Variants in UQCC6 observed in about 807,000 individuals in gnomAD.
The protein encoded by UQCC6 is ubiquinol-cytochrome c reductase complex assembly factor 6.
At chr12:103,956,643 G>A in the UQCC6 span, 3 of 1,550,102 alleles carry the variant, frequency 1.9e-6, no homozygotes, top group South Asian at 3.6e-5. Context: ...GGTCCGGTCG[G>A]TAGTACCTGT....
At chr12:103,958,008 TA>T in the UQCC6 span, among the ~76,000 whole-genome samples, 2 of 109,188 alleles carry the variant, frequency 1.8e-5, no homozygotes, top group African/African-American at 6.6e-5. Context: ...AATATATATT[TA>T]TTTTTAATAT....
chr12:103,958,869 A>G, the UQCC6 span, among the ~76,000 whole-genome samples: 1 of 149,972 alleles, frequency 6.7e-6, no homozygotes, highest in Non-Finnish European at 1.5e-5. Context: ...GTTCTATACA[A>G]TCACTAGAGA....
At chr12:103,956,461 A>G in the UQCC6 span, 316 of 578,132 alleles carry the variant, frequency 5.5e-4, no homozygotes, top group African/African-American at 5.5e-3. Context: ...TTTTGGGCCC[A>G]GGGCAAATGT....
chr12:103,961,403 T>TATA, the UQCC6 span, among the ~76,000 whole-genome samples: 1 of 152,172 alleles, frequency 6.6e-6, no homozygotes, highest in African/African-American at 2.4e-5. Context: ...GTACAGTGTT[T>TATA]ATAAAGTCTA....
chr12:103,955,747 T>C, the UQCC6 span: 63,045 of 455,710 alleles, frequency 0.14, 5,701 homozygotes, highest in African/African-American at 0.33. Context: ...GCTCCCAACA[T>C]TGTGCTCCAA....
the UQCC6 span, among the ~76,000 whole-genome samples, chr12:103,958,045 T>A: frequency 1.4e-5 from 2 of 146,342 alleles, no homozygotes; most frequent in Admixed American, 1.4e-4. Context: ...TAAATATATA[T>A]GTATATATAT....
the UQCC6 span, chr12:103,955,808 C>T: frequency 2.2e-6 from 1 of 455,900 alleles, no homozygotes; most frequent in South Asian, 1.5e-5. Context: ...ATTATTTGTG[C>T]CATACTTTCT....
At chr12:103,964,154 T>A in the UQCC6 span, among the ~76,000 whole-genome samples, 2 of 107,212 alleles carry the variant, frequency 1.9e-5, no homozygotes, top group African/African-American at 7.0e-5. Context: ...TTTTTTTTTT[T>A]TTTTTTTTTT....
At chr12:103,958,107 T>C in the UQCC6 span, among the ~76,000 whole-genome samples, 14 of 148,856 alleles carry the variant, frequency 9.4e-5, no homozygotes, top group African/African-American at 3.5e-4. Context: ...TCCCAGCTAC[T>C]CGGGAGGCTG....
the UQCC6 span, among the ~76,000 whole-genome samples, chr12:103,962,994 C>T: frequency 6.6e-6 from 1 of 151,874 alleles, no homozygotes; most frequent in Admixed American, 6.6e-5. Context: ...CAGTTCATCA[C>T]TTGTCCATGT....
chr12:103,953,702 C>T, the UQCC6 span: 1 of 647,016 alleles, frequency 1.5e-6, no homozygotes, highest in Non-Finnish European at 2.8e-6. Context: ...AATGTCACCA[C>T]CCAATCAAAC....
the UQCC6 span, chr12:103,955,632 T>C: frequency 2.4e-6 from 1 of 414,852 alleles, no homozygotes; most frequent in South Asian, 1.8e-5. Flanking sequence ...ACCTGTCTAA[T>C]TTTTTTAAAA....
chr12:103,952,850 C>T, the UQCC6 span, among the ~76,000 whole-genome samples: 1 of 152,130 alleles, frequency 6.6e-6, no homozygotes, highest in Non-Finnish European at 1.5e-5. Flanking sequence ...AGGGAGGCAG[C>T]CATGCAGTTA....
At chr12:103,965,188 G>A in the UQCC6 span, among the ~76,000 whole-genome samples, 1 of 152,190 alleles carries the variant, frequency 6.6e-6, no homozygotes. Flanking sequence ...GAGAACTAAT[G>A]AAACAAAAGC....
chr12:103,965,266 A>G, the UQCC6 span, among the ~76,000 whole-genome samples: 1 of 152,144 alleles, frequency 6.6e-6, no homozygotes, highest in African/African-American at 2.4e-5. Context: ...CTGAGATTTA[A>G]AAGAGGGGTT....
the UQCC6 span, among the ~76,000 whole-genome samples, chr12:103,960,395 C>T: frequency 0.37 from 56,428 of 151,926 alleles, 11,195 homozygotes; most frequent in East Asian, 0.68. Flanking sequence ...TTTTACATTC[C>T]CATCAGCAGT....
chr12:103,959,760 G>A, the UQCC6 span, among the ~76,000 whole-genome samples: 1 of 149,404 alleles, frequency 6.7e-6, no homozygotes, highest in Non-Finnish European at 1.5e-5. Flanking sequence ...ATTGCCAAAC[G>A]AATTTCCAAA....
At chr12:103,964,088 C>G in the UQCC6 span, among the ~76,000 whole-genome samples, 1 of 146,486 alleles carries the variant, frequency 6.8e-6, no homozygotes, top group Non-Finnish European at 1.5e-5. Flanking sequence ...ACTGCTTCAC[C>G]ATTTTTAGGT....
At chr12:103,961,113 T>C in the UQCC6 span, among the ~76,000 whole-genome samples, 1 of 151,982 alleles carries the variant, frequency 6.6e-6, no homozygotes, top group Non-Finnish European at 1.5e-5. Context: ...CTGACGATCT[T>C]GACCCTGTGT....
Sources: gnomAD v4.1 joint callset for allele counts (sites outside exome capture counted in the v4.1 genomes callset) on GRCh38, gnomAD v4.1.1 for gene constraint, MANE v1.5 for transcripts, NCBI Gene and HGNC (gene_info 2026-07-23, HGNC 2026-07-21) for gene names.